The following ITGA11 variants were observed in gnomAD, a reference collection of about 807,000 sequenced individuals.
The protein encoded by ITGA11 is integrin subunit alpha 11.
In ITGA11, 97 loss-of-function variants were observed where a neutral mutation model predicts 141.9. The observed-to-expected ratio is 0.68, with a 90% CI of 0.58 to 0.81. The LOEUF (loss-of-function observed/expected upper bound fraction) is 0.81, where lower values mean the gene tolerates loss of function less well. ITGA11 is among the 30% of genes least tolerant of loss of function. The pLI is 0.00. For missense variants in ITGA11, 1,387 were observed against 1,559.2 expected (o/e 0.89, Z 1.86); for synonymous variants, 658 against 624.6 (o/e 1.05, Z -0.80).
intron 15 of ITGA11, among the ~76,000 whole-genome samples, chr15:68,329,990 G>A (rs1416282235): frequency 6.6e-6 from 1 of 152,194 alleles, no homozygotes; most frequent in African/African-American, 2.4e-5. Context: ...CCCCTACAAT[G>A]GGCTGTTTTA....
intron 1 of ITGA11, among the ~76,000 whole-genome samples, chr15:68,431,308 T>C (rs1897265787): frequency 6.6e-6 from 1 of 152,210 alleles, no homozygotes; most frequent in Non-Finnish European, 1.5e-5. Flanking sequence ...CCCCAGATTA[T>C]TGAATAATTG....
intron 24 of ITGA11, 48 bp downstream of exon 24, chr15:68,312,725 G>A: frequency 1.5e-6 from 2 of 1,373,274 alleles, no homozygotes; most frequent in South Asian, 2.4e-5. Flanking sequence ...GGATGGGGGT[G>A]CTCAGATCCC....
chr15:68,342,994 TTCTTC>T (rs1894618178), intron 10 of ITGA11, among the ~76,000 whole-genome samples: 2 of 132,812 alleles, frequency 1.5e-5, no homozygotes, highest in East Asian at 2.3e-4. Flanking sequence ...CCTGGGCAAG[TTCTTC>T]TCTCTCTCTC....
At chr15:68,421,457 G>T (rs1464945958) in intron 1 of ITGA11, among the ~76,000 whole-genome samples, 1 of 152,162 alleles carries the variant, frequency 6.6e-6, no homozygotes, top group Non-Finnish European at 1.5e-5. Context: ...GCGGAGCAGG[G>T]ACATGACATG....
At chr15:68,317,186 G>T in intron 21 of ITGA11, 79 bp downstream of exon 21, 2 of 976,568 alleles carry the variant, frequency 2.0e-6, no homozygotes, top group Non-Finnish European at 3.3e-6. Flanking sequence ...CACTCTTGTT[G>T]CTCTTGCCGC....
chr15:68,402,587 C>A (rs73433946), intron 2 of ITGA11, among the ~76,000 whole-genome samples: 5,683 of 152,114 alleles, frequency 0.037, 171 homozygotes, highest in African/African-American at 0.084. Context: ...AGAGACACCC[C>A]CAGCAGCTCT....
chr15:68,426,143 G>A (rs1897137097), intron 1 of ITGA11, among the ~76,000 whole-genome samples: 1 of 152,214 alleles, frequency 6.6e-6, no homozygotes, highest in South Asian at 2.1e-4. Context: ...TCTGCTGGCT[G>A]GCCCTGGTGC....
At chr15:68,358,842 A>G (rs3816612) in intron 5 of ITGA11, among the ~76,000 whole-genome samples, 11,806 of 152,300 alleles carry the variant, frequency 0.078, 1,002 homozygotes, top group African/African-American at 0.21. Flanking sequence ...TCCTAATCAG[A>G]GACTGACCAC....
Position 68,335,028 on chromosome 15 carries a change from G to A in ITGA11, c.1425+669C>T, listed in dbSNP as rs887663755. Among the ~76,000 whole-genome samples, 5 of 152,198 alleles carry A rather than the reference G, an allele frequency of 3.3e-5. No individual in the cohort carries two copies. Among genetic ancestry groups the A allele is most frequent in the Non-Finnish European group, 5.9e-5 (4 of 68,036 alleles). ...CAGTGACCAGCCAAGGGCAGTCAGA[G>A]ACTCAGGAGACAGGACTGTTCCCAG... On this transcript the variant is annotated intron_variant, in intron 12 of 29. Transcript: ENST00000315757. This position sits in a 1 kb window ranked among gnomAD's most constrained non-coding sequence, Gnocchi z 4.9.
In ITGA11 at chr15:68,307,450, A is replaced by G; in HGVS notation, c.3286-7T>C. The G allele has an allele frequency of 1.3e-6, 2 of 1,554,380 alleles. No individual in the cohort carries two copies. Among genetic ancestry groups the G allele is most frequent in the South Asian group, 1.2e-5 (1 of 84,382 alleles). On this transcript the variant is annotated splice_region_variant and splice_polypyrimidine_tract_variant and intron_variant, in intron 27 of 29. Coordinates refer to ENST00000315757, the MANE Select transcript of ITGA11 (RefSeq NM_001004439.2). The surrounding 1 kb of genome is among the most constrained non-coding windows in gnomAD (Gnocchi z 6.1). ...TCATGGATTTGTACTTGAGCTGTGC[A>G]ATCAGAGGGCTCGTCAGAAGCTGGC... is the stretch of plus-strand genomic sequence containing the variant.
intron 2 of ITGA11, among the ~76,000 whole-genome samples, chr15:68,401,242 T>A (rs1394584253): frequency 6.6e-6 from 1 of 151,860 alleles, no homozygotes; most frequent in East Asian, 1.9e-4. Flanking sequence ...ACCAGAAGGC[T>A]CTTGTTTTAC....
chr15:68,331,141 C>A lies in ITGA11; in HGVS notation c.1771-30G>T, dbSNP rs766646286. 6 of 1,472,866 alleles carry A rather than the reference C, an allele frequency of 4.1e-6. No individual in the cohort carries two copies. In the African/African-American group the frequency reaches 4.2e-5, roughly 10 times the overall value. 91.2% of individuals were successfully genotyped at this position (1,472,866 alleles called of 1,614,324 possible). On this transcript the variant is annotated intron_variant, in intron 14 of 29. Transcript: ENST00000315757. ...AGGGCGCGGGAAGAGAGGGGGAGGGCATGCACACTGTGAGTGTGGGGGCGG... is the reference window on the plus strand; with the variant it reads ...AGGGCGCGGGAAGAGAGGGGGAGGGAATGCACACTGTGAGTGTGGGGGCGG...
chr15:68,306,189 C>CA (rs1234651031), intron 28 of ITGA11, among the ~76,000 whole-genome samples: 1,129 of 82,912 alleles, frequency 0.014, 11 homozygotes, highest in Middle Eastern at 0.061. Flanking sequence ...GACTCCGTCT[C>CA]AAAAAAAAAA....
intron 6 of ITGA11, among the ~76,000 whole-genome samples, chr15:68,358,074 A>G (rs1016804448): frequency 7.2e-5 from 11 of 152,168 alleles, no homozygotes; most frequent in Non-Finnish European, 1.2e-4. Context: ...CAGATATATG[A>G]GCCTAGCAGC....
chr15:68,428,192 C>T (rs1311626410), intron 1 of ITGA11, among the ~76,000 whole-genome samples: 1 of 152,176 alleles, frequency 6.6e-6, no homozygotes, highest in African/African-American at 2.4e-5. Context: ...TTCCCTTCTG[C>T]ATAGCAAGAG....
chr15:68,412,345 C>A (rs1219824149), intron 1 of ITGA11, among the ~76,000 whole-genome samples: 3 of 152,190 alleles, frequency 2.0e-5, no homozygotes, highest in Non-Finnish European at 4.4e-5. Context: ...CGGGCCTACC[C>A]TGTCAGGGAG....
At chr15:68,344,530 A>C (rs548481441) in intron 10 of ITGA11, among the ~76,000 whole-genome samples, 1 of 152,176 alleles carries the variant, frequency 6.6e-6, no homozygotes, top group Non-Finnish European at 1.5e-5. Flanking sequence ...AAGAGGCAGG[A>C]GGGTGGCTGG....
chr15:68,340,553 T>C (rs1193078350), intron 10 of ITGA11, among the ~76,000 whole-genome samples: 2 of 152,102 alleles, frequency 1.3e-5, no homozygotes, highest in African/African-American at 4.8e-5. Context: ...GCCACCTCCA[T>C]GACAGCCAGC....
chr15:68,331,163 GC>G, intron 14 of ITGA11, 52 bp from the exon 15 acceptor site: 1 of 1,508,908 alleles, frequency 6.6e-7, no homozygotes. Context: ...GAGTGTGGGG[GC>G]GGGCGTCCCC....
Sources: gnomAD v4.1 joint callset for allele counts (sites outside exome capture counted in the v4.1 genomes callset) on GRCh38, gnomAD v4.1.1 for gene constraint, Gnocchi (gnomAD v3.1) non-coding constraint, MANE v1.5 for transcripts, NCBI Gene and HGNC (gene_info 2026-07-23, HGNC 2026-07-21) for gene names.